Variants in CD44 observed in about 807,000 individuals in gnomAD.
The protein encoded by CD44 is CD44 molecule (IN blood group).
CD44 carries 49 observed loss-of-function variants against 88.8 expected under a neutral mutation model. The ratio of observed to expected loss-of-function variants is 0.55; its 90% CI spans 0.44 to 0.70. The LOEUF (loss-of-function observed/expected upper bound fraction) is 0.70, where lower values mean the gene tolerates loss of function less well. Among genes scored for constraint, CD44 ranks in the 30% least tolerant of loss-of-function variants. The pLI, the probability that CD44 is intolerant of heterozygous loss-of-function variation, is 0.00. For missense variants in CD44, 883 were observed against 913.8 expected (o/e 0.97, Z 0.43); for synonymous variants, 325 against 312.3 (o/e 1.04, Z -0.43).
At chr11:35,143,995 C>A (rs566280419) in intron 1 of CD44, among the ~76,000 whole-genome samples, 2 of 152,354 alleles carry the variant, frequency 1.3e-5, no homozygotes, top group South Asian at 4.1e-4. Context: ...GAGACCCACT[C>A]CTCACATGCT....
At chr11:35,158,201 G>A (rs547713186) in intron 1 of CD44, among the ~76,000 whole-genome samples, 1 of 152,238 alleles carries the variant, frequency 6.6e-6, no homozygotes, top group African/African-American at 2.4e-5. Context: ...TTTCAAATAG[G>A]CCAGCAGGGA....
chr11:35,223,165 A>T (rs1269166984), intron 17 of CD44: 3 of 985,346 alleles, frequency 3.0e-6, no homozygotes, highest in African/African-American at 1.7e-5. Flanking sequence ...TGAGAGAAAA[A>T]ATCTAAAAGG....
In CD44 at chr11:35,214,789, G is replaced by A. The variant is rs1030279293; in HGVS notation, c.1811-63G>A. On this transcript the variant is annotated intron_variant, in intron 14 of 17. Coordinates refer to ENST00000428726, the MANE Select transcript of CD44 (RefSeq NM_000610.4). ...GGCTGTATAAGAATGCAAAGGTAAA[G>A]AAATGCAGATGGGAGTGTAAGTGAA... The A allele has an allele frequency of 6.4e-6, 6 of 932,176 alleles. No individual in the cohort carries two copies. The South Asian group carries it at 1.4e-4, about 22-fold the overall frequency. The allele number at this position is 932,176 out of a possible 1,614,324, so 57.7% of individuals were successfully genotyped here.
rs573323968 is a variant in CD44, at chr11:35,204,666, T to C, written c.1282+26T>C. ...GTAATGGATGGTTTAACAAGTAAAT[T>C]TGGATGGAAACTTCCTTTTGGGTTA... On this transcript the variant is annotated intron_variant, in intron 10 of 17. Transcript: ENST00000428726. 1.8e-5 allele frequency: 29 copies of C among 1,608,108 alleles called. No individual in the cohort carries two copies. The African/African-American group carries it at 3.6e-4, about 20-fold the overall frequency.
chr11:35,209,375 ATAACT>A (rs1304477544), intron 12 of CD44, among the ~76,000 whole-genome samples: 9 of 152,228 alleles, frequency 5.9e-5, no homozygotes, highest in Non-Finnish European at 1.3e-4. Flanking sequence ...AAATTAAGAA[ATAACT>A]TAATAATGGA....
chr11:35,220,129 G>C lies in CD44; in HGVS notation c.1945+742G>C, dbSNP rs150969171. 6.1e-3 allele frequency among the ~76,000 whole-genome samples: 926 copies of C among 152,334 alleles called. 7 individuals carry two copies. The highest frequency in any genetic ancestry group is 0.021 in the African/African-American group (878 of 41,590). On this transcript the variant is annotated intron_variant, in intron 16 of 17. Coordinates refer to ENST00000428726, the MANE Select transcript of CD44 (RefSeq NM_000610.4). Reference sequence around the variant, plus strand: ...AGACTGAGCCTCTCTTGGGGAAAGAGAAGAATGTGGCATGCACCGTTCTCC... The same window carrying C: ...AGACTGAGCCTCTCTTGGGGAAAGACAAGAATGTGGCATGCACCGTTCTCC...
At chr11:35,155,638 C>G (rs886997915) in intron 1 of CD44, among the ~76,000 whole-genome samples, 2 of 152,126 alleles carry the variant, frequency 1.3e-5, no homozygotes, top group African/African-American at 4.8e-5. Flanking sequence ...AAGAAATAGC[C>G]AGTCTTCTGC....
At chr11:35,139,723 G>T in intron 1 of CD44, 1 of 526,712 alleles carries the variant, frequency 1.9e-6, no homozygotes, top group Admixed American at 2.2e-5. Context: ...TGTGCCCAAG[G>T]GCTCGCCAAG....
intron 5 of CD44, among the ~76,000 whole-genome samples, chr11:35,194,481 T>C (rs1466258917): frequency 3.3e-5 from 5 of 152,174 alleles, no homozygotes; most frequent in Non-Finnish European, 7.4e-5. Flanking sequence ...TAACTAGATA[T>C]GGTCCTGGTT....
At chr11:35,196,945 G>A in intron 6 of CD44, 71 bp downstream of exon 6, 2 of 1,518,910 alleles carry the variant, frequency 1.3e-6, no homozygotes, top group Non-Finnish European at 1.8e-6. Context: ...TGACCTCTGG[G>A]ATGTTATTAA....
intron 7 of CD44, chr11:35,200,678 C>A (rs1470192470): frequency 6.0e-6 from 1 of 167,300 alleles, no homozygotes; most frequent in Non-Finnish European, 1.3e-5. Flanking sequence ...GATCTACAAA[C>A]AGCACACAGT....
At chr11:35,170,248 C>A (rs112219399) in intron 1 of CD44, among the ~76,000 whole-genome samples, 1 of 152,268 alleles carries the variant, frequency 6.6e-6, no homozygotes, top group Non-Finnish European at 1.5e-5. Flanking sequence ...AGGAATTGAA[C>A]CAGGTTTGAG....
intron 1 of CD44, among the ~76,000 whole-genome samples, chr11:35,147,950 G>T (rs765361623): frequency 3.9e-5 from 6 of 152,096 alleles, no homozygotes; most frequent in Admixed American, 6.5e-5. Context: ...AATTAGCCGG[G>T]CATGGTGGTG....
chr11:35,215,481 T>C (rs1045722326), intron 15 of CD44, among the ~76,000 whole-genome samples: 1 of 152,198 alleles, frequency 6.6e-6, no homozygotes, highest in Admixed American at 6.5e-5. Flanking sequence ...GCACATGATA[T>C]CATCACTGGT....
At chr11:35,157,613 C>T (rs539133145) in intron 1 of CD44, among the ~76,000 whole-genome samples, 2 of 152,250 alleles carry the variant, frequency 1.3e-5, no homozygotes, top group African/African-American at 2.4e-5. Flanking sequence ...AGTCAATACA[C>T]AGGCCACATC....
intron 15 of CD44, among the ~76,000 whole-genome samples, chr11:35,216,847 C>A (rs1948869555): frequency 6.6e-6 from 1 of 152,208 alleles, no homozygotes; most frequent in African/African-American, 2.4e-5. Context: ...CAACCCAGAC[C>A]TACTGAATCA....
chr11:35,175,164 G>A (rs979992610), intron 1 of CD44, among the ~76,000 whole-genome samples: 11 of 152,200 alleles, frequency 7.2e-5, no homozygotes, highest in Non-Finnish European at 1.3e-4. Context: ...GGATGGGAAG[G>A]AGCTCAGAAT....
At chr11:35,180,184 G>T in intron 2 of CD44, 90 bp from the exon 3 acceptor site, 3 of 1,328,944 alleles carry the variant, frequency 2.3e-6, no homozygotes, top group South Asian at 2.5e-5. Flanking sequence ...TGAATGAAGT[G>T]TTGCACGGCA....
chr11:35,144,831 A>C (rs551397177), intron 1 of CD44, among the ~76,000 whole-genome samples: 1 of 152,378 alleles, frequency 6.6e-6, no homozygotes, highest in African/African-American at 2.4e-5. Flanking sequence ...ACTTTTTAAA[A>C]ATGCTTTTTG....
Sources: gnomAD v4.1 joint callset for allele counts (sites outside exome capture counted in the v4.1 genomes callset) on GRCh38, gnomAD v4.1.1 for gene constraint, MANE v1.5 for transcripts, NCBI Gene and HGNC (gene_info 2026-07-23, HGNC 2026-07-21) for gene names.